The following MLXIP variants were observed in gnomAD, a reference collection of about 807,000 sequenced individuals.
MLXIP encodes MLX interacting protein, also known as MLX-interacting protein.
MLXIP carries 30 observed loss-of-function variants against 87.2 expected under a neutral mutation model. The observed-to-expected ratio is 0.34, with a 90% CI of 0.26 to 0.47. The LOEUF (loss-of-function observed/expected upper bound fraction) is 0.47, where lower values mean the gene tolerates loss of function less well. Among genes scored for constraint, MLXIP ranks in the 20% least tolerant of loss-of-function variants. MLXIP has a pLI of 1.00. For missense variants in MLXIP, 1,002 were observed against 1,240.1 expected (o/e 0.81, Z 2.88); for synonymous variants, 530 against 514.0 (o/e 1.03, Z -0.42).
intron 1 of MLXIP, among the ~76,000 whole-genome samples, chr12:122,084,714 G>C (rs946040549): frequency 6.6e-6 from 1 of 151,986 alleles, no homozygotes; most frequent in Non-Finnish European, 1.5e-5. Context: ...GCCCAGCTAA[G>C]TTTTTGTATC....
chr12:122,091,552 C>CA lies in MLXIP; in HGVS notation c.413+12293dup, dbSNP rs553903128. Among the ~76,000 whole-genome samples the CA allele has an allele frequency of 3.6e-3, 544 of 152,058 alleles. 2 individuals are homozygous for CA. Among genetic ancestry groups the CA allele is most frequent in the Non-Finnish European group, 6.5e-3 (440 of 67,954 alleles). On this transcript the variant is annotated intron_variant, in intron 1 of 16. Transcript: ENST00000319080. ...GTGTCTGTTTAAAAAAACAACAAAA[C>CA]AAAAAAAGACTTTTTCTTCTTTTAT...
chr12:122,104,877 G>A (rs1440748121), intron 1 of MLXIP, among the ~76,000 whole-genome samples: 1 of 152,112 alleles, frequency 6.6e-6, no homozygotes, highest in East Asian at 1.9e-4. Context: ...ACCACACCCG[G>A]CCAGCCTTTT....
intron 16 of MLXIP, 96 bp downstream of exon 16, chr12:122,141,179 G>A: frequency 2.7e-6 from 4 of 1,463,196 alleles, no homozygotes; most frequent in Non-Finnish European, 3.6e-6. Flanking sequence ...TCCACTGCAG[G>A]CAGCCAGGTG....
intron 1 of MLXIP, among the ~76,000 whole-genome samples, chr12:122,109,832 T>C (rs1952576681): frequency 6.6e-6 from 1 of 152,150 alleles, no homozygotes; most frequent in South Asian, 2.1e-4. Flanking sequence ...AAAGGGAAAA[T>C]GGATTTTATT....
At chr12:122,092,258 C>A (rs1027180729) in intron 1 of MLXIP, among the ~76,000 whole-genome samples, 2 of 152,068 alleles carry the variant, frequency 1.3e-5, no homozygotes, top group African/African-American at 4.8e-5. Flanking sequence ...AGCACCATGC[C>A]TGGCTAATTT....
intron 9 of MLXIP, chr12:122,134,248 G>A: frequency 2.1e-6 from 1 of 484,328 alleles, no homozygotes; most frequent in South Asian, 3.3e-5. Context: ...AGGCTGGAGT[G>A]CAGTGGCATA....
At chr12:122,114,343 G>A (rs1952654219) in intron 1 of MLXIP, among the ~76,000 whole-genome samples, 1 of 152,116 alleles carries the variant, frequency 6.6e-6, no homozygotes, top group African/African-American at 2.4e-5. Flanking sequence ...ACCACCCTCA[G>A]TTTCAATAAT....
At position 122,135,103 on chromosome 12, in the gene MLXIP, T is replaced by C; in HGVS notation, c.1733-121T>C. On this transcript the variant is annotated intron_variant, in intron 9 of 16. Transcript: ENST00000319080. This position sits in a 1 kb window ranked among gnomAD's most constrained non-coding sequence, Gnocchi z 5.3. ...AATGGTTTTAGGTGCCTTGGTGGCT[T>C]TGTCTTCCTGTCCCCTGGGGTTGAG... 7.7e-7 allele frequency: 1 copy of C among 1,291,638 alleles called. No homozygotes were observed. The highest frequency in any genetic ancestry group is 1.1e-6 in the Non-Finnish European group (1 of 917,220). The allele number at this position is 1,291,638 out of a possible 1,614,324, so 80.0% of individuals were successfully genotyped here.
chr12:122,090,863 A>T (rs1367247681), intron 1 of MLXIP, among the ~76,000 whole-genome samples: 1 of 152,224 alleles, frequency 6.6e-6, no homozygotes, highest in East Asian at 1.9e-4. Context: ...GAAGCCAGAC[A>T]CAAAAGACCA....
chr12:122,080,633 C>T (rs1412956273), intron 1 of MLXIP, among the ~76,000 whole-genome samples: 1 of 152,196 alleles, frequency 6.6e-6, no homozygotes, highest in Admixed American at 6.5e-5. Flanking sequence ...TCCCATCCCC[C>T]TTACCCGGCA....
intron 1 of MLXIP, among the ~76,000 whole-genome samples, chr12:122,089,614 A>G (rs1200169451): frequency 6.6e-6 from 1 of 152,186 alleles, no homozygotes; most frequent in South Asian, 2.1e-4. Context: ...TGTAAGTGTA[A>G]GGTTCAGTGA....
chr12:122,095,853 CTTATTT>C (rs1952343405), intron 1 of MLXIP, among the ~76,000 whole-genome samples: 1 of 150,626 alleles, frequency 6.6e-6, no homozygotes, highest in Admixed American at 6.6e-5. Context: ...ATATATTTTC[CTTATTT>C]TTATTTTTAT....
chr12:122,112,130 C>T (rs1017761113), intron 1 of MLXIP, among the ~76,000 whole-genome samples: 2 of 152,050 alleles, frequency 1.3e-5, no homozygotes, highest in Non-Finnish European at 2.9e-5. Context: ...GATGGCAGCA[C>T]AGGATTGGAC....
chr12:122,101,966 G>T (rs1263128028), intron 1 of MLXIP, among the ~76,000 whole-genome samples: 1 of 152,080 alleles, frequency 6.6e-6, no homozygotes, highest in Non-Finnish European at 1.5e-5. Flanking sequence ...GTGAGGTAAG[G>T]GTTGTGATTC....
chr12:122,146,742 C>T lies in MLXIP; in HGVS notation c.*4930C>T, dbSNP rs1227413986. 2.8e-5 allele frequency: 4 copies of T among 142,758 alleles called. No individual in the cohort carries two copies. Among genetic ancestry groups the T allele is most frequent in the Non-Finnish European group, 5.9e-5 (4 of 67,966 alleles). The allele number at this position is 142,758 out of a possible 1,614,324, so 8.8% of individuals were successfully genotyped here. A position where few individuals can be genotyped will look rare whatever the true frequency, so the allele number is the denominator to read the frequency against. Reference sequence around the variant, plus strand: ...CCATGCCCCAGTCACACTGTTGGTTCTGCGCTCTGAACCTGGGTGTAGCTC... The same window carrying T: ...CCATGCCCCAGTCACACTGTTGGTTTTGCGCTCTGAACCTGGGTGTAGCTC... On this transcript the variant is annotated 3_prime_UTR_variant, in exon 17 of 17. Coordinates refer to ENST00000319080, the MANE Select transcript of MLXIP (RefSeq NM_014938.6).
At chr12:122,079,380 C>T in intron 1 of MLXIP, 114 bp downstream of exon 1, 3 of 928,548 alleles carry the variant, frequency 3.2e-6, no homozygotes, top group African/African-American at 1.7e-5. Context: ...CCCTTTGGGT[C>T]TTCCTCCTTC....
At chr12:122,093,032 GTGGT>G (rs1952271066) in intron 1 of MLXIP, among the ~76,000 whole-genome samples, 2 of 142,564 alleles carry the variant, frequency 1.4e-5, no homozygotes, top group Non-Finnish European at 3.1e-5. Flanking sequence ...ATATGTATGT[GTGGT>G]GTGTGTGTAT....
rs1215575863 is a variant in MLXIP, at chr12:122,079,282, AC to A, written c.413+21del. 2 of 1,545,430 alleles carry A rather than the reference AC, an allele frequency of 1.3e-6. No individual in the cohort carries two copies. Among genetic ancestry groups the A allele is most frequent in the African/African-American group, 1.4e-5 (1 of 72,718 alleles). On this transcript the variant is annotated intron_variant, in intron 1 of 16. Coordinates refer to ENST00000319080, the MANE Select transcript of MLXIP (RefSeq NM_014938.6). ...TGGCCTACAGGTAGGGACCCCCGCG[AC>A]CCCCTGAGGCCCCGGCCGGAGGCCC...
intron 3 of MLXIP, chr12:122,128,726 T>C: frequency 5.7e-6 from 1 of 175,304 alleles, no homozygotes; most frequent in Non-Finnish European, 1.2e-5. Flanking sequence ...GGAGGGCACA[T>C]TCCACCTGAA....
Sources: gnomAD v4.1 joint callset for allele counts (sites outside exome capture counted in the v4.1 genomes callset) on GRCh38, gnomAD v4.1.1 for gene constraint, Gnocchi (gnomAD v3.1) non-coding constraint, MANE v1.5 for transcripts, NCBI Gene and HGNC (gene_info 2026-07-23, HGNC 2026-07-21) for gene names.